Variants in GVQW3 observed in about 807,000 individuals in gnomAD.
GVQW3 encodes protein GVQW3.
GVQW3 carries 7 observed loss-of-function variants against 12.5 expected under a neutral mutation model. That is an observed-to-expected ratio of 0.56 (90% CI 0.32 to 1.05). The LOEUF (loss-of-function observed/expected upper bound fraction) is 1.05. GVQW3 is among the 50% of genes least tolerant of loss of function. GVQW3 has a pLI of 0.04. For synonymous variants in GVQW3, 71 were observed against 67.2 expected, an observed-to-expected ratio of 1.06 and a Z score of -0.28; for missense variants, 188 against 190.8, an observed-to-expected ratio of 0.99 and a Z score of 0.09.
intron 1 of GVQW3, among the ~76,000 whole-genome samples, chr11:76,391,233 CGGTTG>C (rs1336934697): frequency 6.6e-6 from 1 of 152,228 alleles, no homozygotes; most frequent in Non-Finnish European, 1.5e-5. Flanking sequence ...TGCCTAAACA[CGGTTG>C]ATAAATGACC....
intron 1 of GVQW3, chr11:76,392,834 G>A (rs985573980): frequency 1.3e-5 from 2 of 152,112 alleles, no homozygotes; most frequent in South Asian, 4.1e-4. Context: ...GTTATGTTTT[G>A]TGTTTTTAAT....
At chr11:76,387,878 G>A (rs1323257531) in intron 1 of GVQW3, among the ~76,000 whole-genome samples, 5 of 152,144 alleles carry the variant, frequency 3.3e-5, no homozygotes, top group African/African-American at 4.8e-5. Flanking sequence ...AGCCATGATC[G>A]TGCTACTGCA....
chr11:76,401,677 G>A (rs964252829), intron 1 of GVQW3, among the ~76,000 whole-genome samples: 1 of 150,900 alleles, frequency 6.6e-6, no homozygotes. Context: ...TGAGGCTGAG[G>A]CAGGAGAACC....
chr11:76,401,295 CT>C (rs1489241344), intron 1 of GVQW3, among the ~76,000 whole-genome samples: 3 of 151,908 alleles, frequency 2.0e-5, no homozygotes, highest in South Asian at 4.2e-4. Context: ...CTATTTTGAT[CT>C]TTTTTTTCCT....
At chr11:76,390,537 AATAAG>A (rs1295714399) in intron 1 of GVQW3, among the ~76,000 whole-genome samples, 1 of 152,236 alleles carries the variant, frequency 6.6e-6, no homozygotes, top group African/African-American at 2.4e-5. Context: ...ACAGACAAGA[AATAAG>A]ATAAATTAGT....
chr11:76,396,283 C>T (rs1946938585), intron 1 of GVQW3, among the ~76,000 whole-genome samples: 1 of 151,870 alleles, frequency 6.6e-6, no homozygotes, highest in South Asian at 2.1e-4. Context: ...TTTAACATTT[C>T]TGTGCTGCTA....
At chr11:76,394,748 T>C (rs1946924496) in intron 1 of GVQW3, among the ~76,000 whole-genome samples, 1 of 152,218 alleles carries the variant, frequency 6.6e-6, no homozygotes, top group Admixed American at 6.5e-5. Context: ...CTATTTTTCA[T>C]TTTTTGCAGA....
intron 1 of GVQW3, among the ~76,000 whole-genome samples, chr11:76,383,996 C>T (rs1213224085): frequency 6.6e-6 from 1 of 152,156 alleles, no homozygotes. Flanking sequence ...CATTTGGACC[C>T]CGACAAGCAG....
At position 76,405,324 on chromosome 11, in the gene GVQW3, G is replaced by A. The variant is rs935067463; in HGVS notation, c.*1566G>A. The A allele has an allele frequency of 1.3e-5, 2 of 152,264 alleles. No individual in the cohort carries two copies. Among genetic ancestry groups the A allele is most frequent in the African/African-American group, 4.8e-5 (2 of 41,460 alleles). 9.4% of individuals were successfully genotyped at this position (152,264 alleles called of 1,614,324 possible). A position where few individuals can be genotyped will look rare whatever the true frequency, so the allele number is the denominator to read the frequency against. On this transcript the variant is annotated 3_prime_UTR_variant, in exon 2 of 2. Coordinates refer to ENST00000529331, the MANE Select transcript of GVQW3 (RefSeq NM_001347885.2). ...TTTGGGTAGCCAGTCAACAGGGTCT[G>A]CCATGTGCATAGAAAGCACAGTATG...
At chr11:76,383,944 CTG>C (rs1946805535) in intron 1 of GVQW3, among the ~76,000 whole-genome samples, 1 of 152,188 alleles carries the variant, frequency 6.6e-6, no homozygotes, top group South Asian at 2.1e-4. Context: ...TCCCCTGAGT[CTG>C]TGAATAGGTT....
chr11:76,399,179 G>A (rs541965629), intron 1 of GVQW3, among the ~76,000 whole-genome samples: 7 of 151,566 alleles, frequency 4.6e-5, no homozygotes, highest in South Asian at 2.1e-4. Flanking sequence ...TCACTCTGTC[G>A]CCCAGGCTGT....
At chr11:76,390,282 C>T (rs1220586289) in intron 1 of GVQW3, among the ~76,000 whole-genome samples, 3 of 152,086 alleles carry the variant, frequency 2.0e-5, no homozygotes, top group African/African-American at 7.2e-5. Context: ...ATGAGTGAGG[C>T]TTGGGTTTCA....
At chr11:76,396,685 C>G (rs974796960) in intron 1 of GVQW3, among the ~76,000 whole-genome samples, 1 of 152,166 alleles carries the variant, frequency 6.6e-6, no homozygotes, top group Admixed American at 6.5e-5. Flanking sequence ...CGTTGCCTAT[C>G]TTTCTCTCTT....
At chr11:76,402,944 G>A (rs1046361793) in intron 1 of GVQW3, among the ~76,000 whole-genome samples, 2 of 147,032 alleles carry the variant, frequency 1.4e-5, no homozygotes, top group Non-Finnish European at 3.0e-5. Context: ...TTGTTTGTTT[G>A]TTTATTTATT....
At chr11:76,391,473 A>G (rs1004008591) in intron 1 of GVQW3, among the ~76,000 whole-genome samples, 1 of 152,242 alleles carries the variant, frequency 6.6e-6, no homozygotes, top group African/African-American at 2.4e-5. Context: ...TGCATTATTT[A>G]TGGGAGACCA....
At chr11:76,414,561 T>C (rs886941753) in exon 2 of GVQW3, 3 of 150,516 alleles carry the variant, frequency 2.0e-5, no homozygotes, top group African/African-American at 7.5e-5. Flanking sequence ...CCACTTATCT[T>C]TGCCTCATGG....
chr11:76,393,888 G>GTTATTATTA (rs35323169), intron 1 of GVQW3, among the ~76,000 whole-genome samples: 5 of 150,620 alleles, frequency 3.3e-5, no homozygotes, highest in African/African-American at 1.2e-4. Context: ...TATACTCTTA[G>GTTATTATTA]TTATTATTAT....
chr11:76,410,130 C>A (rs1947070852), downstream of GVQW3, among the ~76,000 whole-genome samples: 1 of 152,114 alleles, frequency 6.6e-6, no homozygotes, highest in Non-Finnish European at 1.5e-5. Flanking sequence ...TAGTGCACAC[C>A]TGTAGCCCTA....
downstream of GVQW3, among the ~76,000 whole-genome samples, chr11:76,408,972 A>G (rs1947064577): frequency 6.6e-6 from 1 of 152,136 alleles, no homozygotes; most frequent in Non-Finnish European, 1.5e-5. Context: ...TCACATTGTC[A>G]TTCTTCCCGG....
Sources: gnomAD v4.1 joint callset for allele counts (sites outside exome capture counted in the v4.1 genomes callset) on GRCh38, gnomAD v4.1.1 for gene constraint, MANE v1.5 for transcripts, NCBI Gene and HGNC (gene_info 2026-07-23, HGNC 2026-07-21) for gene names.